SPMIP2: variants seen among roughly 807,000 people sequenced by gnomAD.
SPMIP2 encodes the protein protein SPMIP2.
At chr4:159,015,102 A>G in the SPMIP2 span, among the ~76,000 whole-genome samples, 10 of 152,260 alleles carry the variant, frequency 6.6e-5, no homozygotes, top group Admixed American at 2.0e-4. Flanking sequence ...AAATAATTTA[A>G]CAATATCGTC....
chr4:159,020,420 G>A, the SPMIP2 span, among the ~76,000 whole-genome samples: 7 of 152,256 alleles, frequency 4.6e-5, no homozygotes, highest in Admixed American at 6.5e-5. Context: ...GGTAGAAGTT[G>A]TCTTTGAAGC....
chr4:159,060,669 A>T, the SPMIP2 span, among the ~76,000 whole-genome samples: 29 of 152,362 alleles, frequency 1.9e-4, no homozygotes, highest in South Asian at 2.3e-3. Flanking sequence ...TGGAGACCAC[A>T]GTGTCATCCT....
chr4:158,911,543 TC>T, the SPMIP2 span, among the ~76,000 whole-genome samples: 1 of 145,722 alleles, frequency 6.9e-6, no homozygotes, highest in Admixed American at 7.0e-5. Flanking sequence ...TGTCTGTTCT[TC>T]CTAGAATAGA....
At chr4:158,954,137 GCT>G in the SPMIP2 span, among the ~76,000 whole-genome samples, 1 of 152,106 alleles carries the variant, frequency 6.6e-6, no homozygotes, top group Non-Finnish European at 1.5e-5. Context: ...ATATGGTTTG[GCT>G]CTGTGTCCCC....
the SPMIP2 span, among the ~76,000 whole-genome samples, chr4:158,918,681 T>C: frequency 6.6e-6 from 1 of 152,202 alleles, no homozygotes; most frequent in African/African-American, 2.4e-5. Flanking sequence ...AAAAATTAGA[T>C]GTAGTTCAAA....
the SPMIP2 span, chr4:158,905,065 C>A: frequency 4.6e-5 from 7 of 153,000 alleles, no homozygotes; most frequent in African/African-American, 1.7e-4. Context: ...CAAAGAAAGC[C>A]ACATTGTGCC....
chr4:158,925,009 C>T, the SPMIP2 span, among the ~76,000 whole-genome samples: 2 of 152,132 alleles, frequency 1.3e-5, no homozygotes, highest in Non-Finnish European at 2.9e-5. Context: ...TATTAGTCTG[C>T]AGTTTTCTTG....
chr4:158,950,688 G>C, the SPMIP2 span, among the ~76,000 whole-genome samples: 1 of 152,146 alleles, frequency 6.6e-6, no homozygotes, highest in Non-Finnish European at 1.5e-5. Context: ...CTGAGGTCAG[G>C]AGCTCAAGAC....
the SPMIP2 span, among the ~76,000 whole-genome samples, chr4:158,896,975 C>T: frequency 6.6e-6 from 1 of 152,050 alleles, no homozygotes; most frequent in Non-Finnish European, 1.5e-5. Context: ...AGGTACTTCT[C>T]CTAATGCTAT....
At chr4:158,904,897 G>T in the SPMIP2 span, 1 of 215,090 alleles carries the variant, frequency 4.6e-6, no homozygotes. Flanking sequence ...CTTGAGCGGG[G>T]TGGTCAGCAG....
chr4:159,039,221 G>A, the SPMIP2 span, among the ~76,000 whole-genome samples: 1 of 152,154 alleles, frequency 6.6e-6, no homozygotes, highest in African/African-American at 2.4e-5. Context: ...TTACAGGCGT[G>A]AGCCACCACA....
the SPMIP2 span, among the ~76,000 whole-genome samples, chr4:158,989,798 T>C: frequency 6.6e-6 from 1 of 152,116 alleles, no homozygotes; most frequent in East Asian, 1.9e-4. Flanking sequence ...ACCTAGGCAA[T>C]ACCATTCAGG....
chr4:159,013,349 A>G, the SPMIP2 span, among the ~76,000 whole-genome samples: 2 of 152,224 alleles, frequency 1.3e-5, no homozygotes, highest in South Asian at 4.1e-4. Flanking sequence ...TGGTGTATAC[A>G]TATGTATCAG....
chr4:159,061,790 G>A, the SPMIP2 span, among the ~76,000 whole-genome samples: 5 of 146,682 alleles, frequency 3.4e-5, no homozygotes, highest in African/African-American at 7.6e-5. Flanking sequence ...CAGCCTGGGC[G>A]ACAGAGCGAG....
chr4:158,896,696 T>C, the SPMIP2 span, among the ~76,000 whole-genome samples: 1 of 152,132 alleles, frequency 6.6e-6, no homozygotes, highest in East Asian at 1.9e-4. Flanking sequence ...CATAGATTAT[T>C]CTTACATACT....
At chr4:159,004,454 C>T in the SPMIP2 span, among the ~76,000 whole-genome samples, 3 of 151,982 alleles carry the variant, frequency 2.0e-5, no homozygotes, top group Admixed American at 2.0e-4. Flanking sequence ...CCACGCCCTA[C>T]TAATTTTTGT....
chr4:158,918,105 G>A, the SPMIP2 span, among the ~76,000 whole-genome samples: 1 of 152,140 alleles, frequency 6.6e-6, no homozygotes, highest in Admixed American at 6.5e-5. Context: ...TCCTTAAAAG[G>A]CCCGGAGTGT....
At chr4:159,006,485 C>A in the SPMIP2 span, among the ~76,000 whole-genome samples, 3 of 152,166 alleles carry the variant, frequency 2.0e-5, no homozygotes, top group African/African-American at 7.2e-5. Flanking sequence ...TAATTGCTCA[C>A]AGTTGGATCC....
the SPMIP2 span, among the ~76,000 whole-genome samples, chr4:158,935,650 A>T: frequency 6.6e-6 from 1 of 152,356 alleles, no homozygotes; most frequent in East Asian, 1.9e-4. Context: ...ATTTTAAATA[A>T]CAAAACATAT....
Sources: allele counts gnomAD v4.1 joint callset (sites outside exome capture counted in the v4.1 genomes callset), GRCh38; gene constraint gnomAD v4.1.1; transcripts MANE v1.5; gene names NCBI Gene and HGNC (gene_info 2026-07-23, HGNC 2026-07-21).